SNX18: variants seen among roughly 807,000 people sequenced by gnomAD.
SNX18 encodes the protein sorting nexin-18.
Under a neutral mutation model 48.7 loss-of-function variants are expected in SNX18, and 35 were observed. The observed-to-expected ratio is 0.72, with a 90% CI of 0.55 to 0.95. The LOEUF (loss-of-function observed/expected upper bound fraction) is 0.95, where lower values mean the gene tolerates loss of function less well. SNX18 is among the 40% of genes least tolerant of loss of function. The probability of loss-of-function intolerance (pLI) is 0.00; values close to 1 mark genes in which losing one functional copy is unlikely to be tolerated. For synonymous variants in SNX18, 492 were observed against 384.7 expected, an observed-to-expected ratio of 1.28 and a Z score of -3.26; for missense variants, 824 against 871.0, an observed-to-expected ratio of 0.95 and a Z score of 0.68.
At chr5:54,647,821 G>A in the SNX18 span, among the ~76,000 whole-genome samples, 1 of 152,142 alleles carries the variant, frequency 6.6e-6, no homozygotes, top group South Asian at 2.1e-4. Flanking sequence ...GGGATGAAGA[G>A]TTGAGAACAG....
chr5:54,539,640 G>T (rs72765746), intron 1 of SNX18, among the ~76,000 whole-genome samples: 8,931 of 152,030 alleles, frequency 0.059, 358 homozygotes, highest in Middle Eastern at 0.11. Flanking sequence ...GGTGCTTTGT[G>T]GTGTGTCTCC....
chr5:54,532,508 CTTATT>C (rs1389315146), intron 1 of SNX18, among the ~76,000 whole-genome samples: 1 of 151,858 alleles, frequency 6.6e-6, no homozygotes, highest in African/African-American at 2.4e-5. Context: ...GTATGTCTAC[CTTATT>C]TTATTAAGAT....
chr5:54,519,966 A>G (rs1452776428), intron 1 of SNX18: 5 of 757,580 alleles, frequency 6.6e-6, no homozygotes, highest in Non-Finnish European at 1.1e-5. Context: ...GGTGAGTTTC[A>G]AAAAGTGAGG....
At chr5:54,645,939 T>G in the SNX18 span, 1 of 152,232 alleles carries the variant, frequency 6.6e-6, no homozygotes. Flanking sequence ...TCTCTTTATA[T>G]TTCTACTTGA....
chr5:54,611,816 G>C, the SNX18 span, among the ~76,000 whole-genome samples: 4 of 152,056 alleles, frequency 2.6e-5, no homozygotes, highest in Admixed American at 2.6e-4. Flanking sequence ...ACAGTGTTGG[G>C]GTGAGGCAGG....
At chr5:54,571,191 C>T in the SNX18 span, among the ~76,000 whole-genome samples, 7 of 151,868 alleles carry the variant, frequency 4.6e-5, no homozygotes, top group South Asian at 2.1e-4. Flanking sequence ...ACTTCCTCTA[C>T]GCAGAAGGGC....
chr5:54,588,546 C>T, the SNX18 span, among the ~76,000 whole-genome samples: 1 of 152,012 alleles, frequency 6.6e-6, no homozygotes, highest in Non-Finnish European at 1.5e-5. Context: ...CCAGGATGGT[C>T]TCGATCTCCT....
the SNX18 span, among the ~76,000 whole-genome samples, chr5:54,579,340 T>TAA: frequency 2.4e-3 from 352 of 147,368 alleles, no homozygotes; most frequent in Middle Eastern, 7.0e-3. Context: ...CAGACCCTGT[T>TAA]AAAAAAAAAA....
chr5:54,576,530 C>T, the SNX18 span, among the ~76,000 whole-genome samples: 1 of 152,210 alleles, frequency 6.6e-6, no homozygotes, highest in Non-Finnish European at 1.5e-5. Flanking sequence ...TGACCCACAG[C>T]CTTTGCCCTA....
At chr5:54,593,849 T>A in the SNX18 span, among the ~76,000 whole-genome samples, 2 of 152,176 alleles carry the variant, frequency 1.3e-5, no homozygotes, top group South Asian at 4.1e-4. Flanking sequence ...AAAAAATGAA[T>A]TTCAGTCTTC....
rs747434963 is a variant in SNX18, at chr5:54,518,660, C to T, written c.708C>T (p.Val236=). 5.8e-6 allele frequency: 9 copies of T among 1,557,956 alleles called. No homozygotes were observed. Among genetic ancestry groups the T allele is most frequent in the East Asian group, 2.3e-5 (1 of 44,366 alleles). ...SRNLNRFSTF[V]KSGGEAFVLG... Reference sequence around the variant, plus strand: ...ACCTCAATCGCTTCTCCACCTTCGTCAAGTCCGGCGGGGAGGCCTTCGTGC... The same window carrying T: ...ACCTCAATCGCTTCTCCACCTTCGTTAAGTCCGGCGGGGAGGCCTTCGTGC... The change falls in exon 1 of 2, where the codon GTC becomes GTT. Residue 236 remains valine, a synonymous_variant. Transcript: ENST00000381410.
chr5:54,532,022 G>A (rs1477433507), intron 1 of SNX18, among the ~76,000 whole-genome samples: 1 of 152,190 alleles, frequency 6.6e-6, no homozygotes, highest in East Asian at 1.9e-4. Context: ...CCCTGGCTCT[G>A]CGTGTGTGCT....
At chr5:54,613,364 G>C in the SNX18 span, among the ~76,000 whole-genome samples, 1 of 152,106 alleles carries the variant, frequency 6.6e-6, no homozygotes, top group Non-Finnish European at 1.5e-5. Flanking sequence ...TCCCATGAAG[G>C]AAGGCAGAAG....
At chr5:54,570,244 G>A in the SNX18 span, among the ~76,000 whole-genome samples, 135 of 152,282 alleles carry the variant, frequency 8.9e-4, 1 homozygote, top group East Asian at 0.022. Context: ...AAGGATTGCT[G>A]GCAACACCAG....
the SNX18 span, among the ~76,000 whole-genome samples, chr5:54,575,698 C>A: frequency 6.6e-6 from 1 of 151,952 alleles, no homozygotes; most frequent in South Asian, 2.1e-4. Context: ...GCAGGACATA[C>A]AATTTTCCAT....
chr5:54,638,708 A>G, the SNX18 span, among the ~76,000 whole-genome samples: 1 of 152,218 alleles, frequency 6.6e-6, no homozygotes, highest in Non-Finnish European at 1.5e-5. Context: ...TTTTAGCCTC[A>G]TAACAATCTT....
the SNX18 span, among the ~76,000 whole-genome samples, chr5:54,577,959 A>G: frequency 9.2e-5 from 14 of 152,344 alleles, no homozygotes; most frequent in African/African-American, 3.4e-4. Context: ...AATTCTGCAG[A>G]TCTGCAAGTT....
the SNX18 span, among the ~76,000 whole-genome samples, chr5:54,583,430 G>A: frequency 1.3e-5 from 2 of 152,342 alleles, no homozygotes; most frequent in Non-Finnish European, 1.5e-5. Flanking sequence ...CTCAGGCTCA[G>A]TGTGACCCAG....
chr5:54,645,041 G>T, the SNX18 span: 1 of 152,202 alleles, frequency 6.6e-6, no homozygotes, highest in African/African-American at 2.4e-5. Flanking sequence ...ATCCACAGGT[G>T]ATTTGCATGC....
Sources: gnomAD v4.1 joint callset for allele counts (sites outside exome capture counted in the v4.1 genomes callset) on GRCh38, gnomAD v4.1.1 for gene constraint, MANE v1.5 for transcripts, NCBI Gene and HGNC (gene_info 2026-07-23, HGNC 2026-07-21) for gene names.